Variants in TESK2 observed in about 807,000 individuals in gnomAD.
TESK2 encodes testis associated actin remodelling kinase 2.
In TESK2, 39 loss-of-function variants were observed where a neutral mutation model predicts 57.1. The observed-to-expected ratio is 0.68, with a 90% CI of 0.53 to 0.89. The LOEUF is 0.89. Among genes scored for constraint, TESK2 ranks in the 40% least tolerant of loss-of-function variants. TESK2 has a pLI of 0.00. For synonymous variants in TESK2, 249 were observed against 267.9 expected (o/e 0.93, Z 0.69); for missense variants, 646 against 732.1 (o/e 0.88, Z 1.36).
At chr1:45,395,111 C>T (rs1274499110) in intron 3 of TESK2, among the ~76,000 whole-genome samples, 1 of 152,150 alleles carries the variant, frequency 6.6e-6, no homozygotes, top group African/African-American at 2.4e-5. Flanking sequence ...TTTTCCACAT[C>T]TTTGCCTTTT....
chr1:45,370,433 C>T (rs1648126352), intron 4 of TESK2, among the ~76,000 whole-genome samples: 1 of 152,180 alleles, frequency 6.6e-6, no homozygotes, highest in African/African-American at 2.4e-5. Flanking sequence ...TTGTCAGGCA[C>T]TGTGCTAGGA....
At chr1:45,433,728 T>C (rs1490949277) in intron 2 of TESK2, among the ~76,000 whole-genome samples, 3 of 152,336 alleles carry the variant, frequency 2.0e-5, no homozygotes, top group Admixed American at 1.3e-4. Context: ...CTACTGTGAA[T>C]AGTGCTGCAA....
intron 3 of TESK2, among the ~76,000 whole-genome samples, chr1:45,409,515 G>A (rs1649962053): frequency 6.6e-6 from 1 of 152,136 alleles, no homozygotes; most frequent in Non-Finnish European, 1.5e-5. Context: ...GAACTTTGAA[G>A]AATGACAAAA....
At chr1:45,448,914 T>C (rs1442174984) in intron 2 of TESK2, among the ~76,000 whole-genome samples, 1 of 152,190 alleles carries the variant, frequency 6.6e-6, no homozygotes. Flanking sequence ...AGGAACTCTT[T>C]ATTCATTCCT....
At position 45,448,212 on chromosome 1, in the gene TESK2, T is replaced by C. The variant is rs544097462; in HGVS notation, c.222+9352A>G. Among the ~76,000 whole-genome samples, 107 of 123,648 alleles carry C rather than the reference T, an allele frequency of 8.7e-4. 2 individuals are homozygous for C. The highest frequency in any genetic ancestry group is 5.2e-3 in the Middle Eastern group (1 of 194). The allele number at this position is 123,648 out of a possible 152,430, so 81.1% of individuals were successfully genotyped here. On this transcript the variant is annotated intron_variant, in intron 2 of 10. Transcript: ENST00000372086. ...ATGACCACACCACCGCACTCCAGCC[T>C]GGGAGACAGAGTGAGACCCTGTCTC... is the stretch of plus-strand genomic sequence containing the variant.
rs1042216209 is a variant in TESK2, at chr1:45,434,499, T to C, written c.223-12653A>G. 2.0e-5 allele frequency among the ~76,000 whole-genome samples: 3 copies of C among 151,770 alleles called. No individual in the cohort carries two copies. In the East Asian group the frequency reaches 5.8e-4, roughly 29 times the overall value. On this transcript the variant is annotated intron_variant, in intron 2 of 10. Transcript: ENST00000372086. ...TAGAGATGGGGTCTTTTTGTCTTTTTGATGGTAGCCATTCTAAATGAGATA... is the reference window on the plus strand; with the variant it reads ...TAGAGATGGGGTCTTTTTGTCTTTTCGATGGTAGCCATTCTAAATGAGATA...
intron 2 of TESK2, among the ~76,000 whole-genome samples, chr1:45,447,126 A>T (rs1427825751): frequency 6.6e-6 from 1 of 152,144 alleles, no homozygotes; most frequent in Non-Finnish European, 1.5e-5. Flanking sequence ...CTGAAGCAAG[A>T]AGATCTCCTG....
At position 45,345,902 on chromosome 1, in the gene TESK2, A is replaced by G. The variant is rs1232639144; in HGVS notation, c.972T>C (p.Asp324=). 8.7e-6 allele frequency: 14 copies of G among 1,613,930 alleles called. No individual in the cohort carries two copies. The East Asian group carries it at 2.5e-4, about 28-fold the overall frequency. Residue 324 remains aspartate, a synonymous_variant, in exon 10 of 11, where the codon GAT becomes GAC. Transcript: ENST00000372086. ...SRLQEEEQER[D]RKLQPTARGL... is the part of the protein sequence containing the mutation. ...CCCTGGCTGTGGGCTGCAGCTTCCT[A>G]TCCCTCTCCTGCTCTTCTTCCTGTA...
chr1:45,392,720 T>C (rs1265565091), intron 3 of TESK2, among the ~76,000 whole-genome samples: 2 of 151,854 alleles, frequency 1.3e-5, no homozygotes, highest in African/African-American at 2.4e-5. Context: ...AAAAAAAATT[T>C]ATTTTTTAGA....
intron 3 of TESK2, among the ~76,000 whole-genome samples, chr1:45,408,820 AT>A (rs1032484538): frequency 1.3e-5 from 2 of 152,060 alleles, no homozygotes; most frequent in African/African-American, 4.8e-5. Flanking sequence ...CTATCCCCCC[AT>A]CTCCTCTTTT....
intron 1 of TESK2, among the ~76,000 whole-genome samples, chr1:45,465,227 C>T (rs1489704707): frequency 6.6e-6 from 1 of 151,636 alleles, no homozygotes; most frequent in Non-Finnish European, 1.5e-5. Flanking sequence ...TAGAGCAAGA[C>T]TCCATCTCAA....
At chr1:45,361,558 C>A (rs1414781622) in intron 4 of TESK2, among the ~76,000 whole-genome samples, 1 of 152,170 alleles carries the variant, frequency 6.6e-6, no homozygotes, top group African/African-American at 2.4e-5. Flanking sequence ...AACAGAGTTT[C>A]TTCCATTTCA....
chr1:45,473,149 CAA>C (rs142807091), intron 1 of TESK2, among the ~76,000 whole-genome samples: 7 of 96,922 alleles, frequency 7.2e-5, no homozygotes, highest in Non-Finnish European at 1.2e-4. Flanking sequence ...GACTCCGTCT[CAA>C]AAAAAAAAAA....
chr1:45,489,178 C>T (rs1397618747), intron 1 of TESK2, among the ~76,000 whole-genome samples: 1 of 151,632 alleles, frequency 6.6e-6, no homozygotes, highest in Non-Finnish European at 1.5e-5. Flanking sequence ...AGCTGGACCT[C>T]GAAAGCACGT....
At chr1:45,405,055 AT>A (rs1320012617) in intron 3 of TESK2, among the ~76,000 whole-genome samples, 3 of 152,128 alleles carry the variant, frequency 2.0e-5, no homozygotes, top group African/African-American at 7.2e-5. Flanking sequence ...ACTGTGATCA[AT>A]TCTTTATGTA....
rs547808073 is a variant in TESK2 at position 45,385,357 on chromosome 1, C to T, written c.393+555G>A. 3.1e-5 allele frequency: 31 copies of T among 985,010 alleles called. No individual in the cohort carries two copies. In the African/African-American group the frequency reaches 3.8e-4, roughly 12 times the overall value. 61.0% of individuals were successfully genotyped at this position (985,010 alleles called of 1,614,324 possible). ...GATGAATAATGACTATCACATATTC[C>T]GCCTAGCAGAGGCTGGAAATGAAAC... On this transcript the variant is annotated intron_variant, in intron 4 of 10. Coordinates refer to ENST00000372086, the MANE Select transcript of TESK2 (RefSeq NM_007170.3).
At chr1:45,384,608 T>TA (rs1557551530) in intron 4 of TESK2, among the ~76,000 whole-genome samples, 29 of 130,384 alleles carry the variant, frequency 2.2e-4, no homozygotes, top group East Asian at 1.7e-3. Context: ...TTTTTTTTTT[T>TA]TTTTTTTTTT....
chr1:45,486,974 C>A (rs1557592963), intron 1 of TESK2, among the ~76,000 whole-genome samples: 1 of 151,716 alleles, frequency 6.6e-6, no homozygotes, highest in Non-Finnish European at 1.5e-5. Context: ...ATGCATGCAC[C>A]ACCACGCCCA....
At chr1:45,372,681 C>T (rs1037134703) in intron 4 of TESK2, among the ~76,000 whole-genome samples, 1 of 151,666 alleles carries the variant, frequency 6.6e-6, no homozygotes, top group African/African-American at 2.4e-5. Context: ...GAATTTGCGG[C>T]TGTAATGCAC....
Sources: gnomAD v4.1 joint callset for allele counts (sites outside exome capture counted in the v4.1 genomes callset) on GRCh38, gnomAD v4.1.1 for gene constraint, MANE v1.5 for transcripts, NCBI Gene and HGNC (gene_info 2026-07-23, HGNC 2026-07-21) for gene names.